The following GSN variants were observed in gnomAD, a reference collection of about 807,000 sequenced individuals.
GSN encodes actin-depolymerizing factor.
GSN carries 56 observed loss-of-function variants against 85.7 expected under a neutral mutation model. The observed-to-expected ratio is 0.65, with a 90% CI of 0.53 to 0.82. The LOEUF (loss-of-function observed/expected upper bound fraction) is 0.82. Among genes scored for constraint, GSN ranks in the 40% least tolerant of loss-of-function variants. GSN has a pLI of 0.00. For synonymous variants in GSN, 373 were observed against 399.1 expected (o/e 0.93, Z 0.78); for missense variants, 857 against 979.8 (o/e 0.87, Z 1.67).
At chr9:121,319,688 A>C (rs971657353) in intron 10 of GSN, among the ~76,000 whole-genome samples, 2 of 152,126 alleles carry the variant, frequency 1.3e-5, no homozygotes, top group African/African-American at 4.8e-5. Context: ...TTAGAAGAAA[A>C]AAATCAGTTA....
chr9:121,247,438 C>T (rs987337702), intron 5 of GSN, among the ~76,000 whole-genome samples: 1 of 152,216 alleles, frequency 6.6e-6, no homozygotes, highest in Non-Finnish European at 1.5e-5. Flanking sequence ...TGACTTCCAC[C>T]TTCCATTCTA....
chr9:121,228,424 A>ATT (rs869071386), intron 4 of GSN, among the ~76,000 whole-genome samples: 30 of 48,114 alleles, frequency 6.2e-4, no homozygotes, highest in Non-Finnish European at 7.9e-4. Flanking sequence ...ATATATATAT[A>ATT]TTTTTTTTTT....
intron 2 of GSN, chr9:121,210,222 C>T (rs1378647925): frequency 6.6e-6 from 1 of 152,194 alleles, no homozygotes; most frequent in Admixed American, 6.5e-5. Flanking sequence ...TGTTCCACAC[C>T]ATCTTCACTT....
intron 5 of GSN, among the ~76,000 whole-genome samples, chr9:121,233,421 C>T (rs747561674): frequency 5.9e-5 from 9 of 151,998 alleles, no homozygotes; most frequent in Non-Finnish European, 8.8e-5. Context: ...GCTGAGATCA[C>T]GCCACTGCAC....
intron 1 of GSN, among the ~76,000 whole-genome samples, chr9:121,272,252 C>A (rs1348219986): frequency 6.6e-6 from 1 of 152,190 alleles, no homozygotes; most frequent in Non-Finnish European, 1.5e-5. Context: ...CTGCCTGGGA[C>A]CACATCAGCA....
rs2059542313 is a variant in GSN at position 121,299,445 on chromosome 9, C to T, written c.-9-2518C>T. 1 of 984,798 alleles carries T rather than the reference C, an allele frequency of 1.0e-6. No homozygotes were observed. Among genetic ancestry groups the T allele is most frequent in the Non-Finnish European group, 1.2e-6 (1 of 829,446 alleles). 61.0% of individuals were successfully genotyped at this position (984,798 alleles called of 1,614,324 possible). A position where few individuals can be genotyped will look rare whatever the true frequency, so the allele number is the denominator to read the frequency against. On this transcript the variant is annotated intron_variant, in intron 2 of 17. Transcript: ENST00000432226. This position sits in a 1 kb window ranked among gnomAD's most constrained non-coding sequence, Gnocchi z 4.2. ...AAATGGGTTGGCCGTTGTACCCTCT[C>T]TGAAAAGGATGTGCTGATGCCTCGG...
rs201325199 is a variant in GSN, at chr9:121,318,787, G to A, written c.1098G>A (p.Val366=). Residue 366 remains valine, a synonymous_variant, in exon 10 of 18, where the codon GTG becomes GTA. Coordinates refer to ENST00000432226, the MANE Select transcript of GSN (RefSeq NM_198252.3). The surrounding 1 kb of genome is among the most constrained non-coding windows in gnomAD (Gnocchi z 4.3). ...ACCTTTCCAGCCATATCGCCAACGT[G>A]GAGCGGGTGCCCTTCGACGCCGCCA... ...LSYLSSHIAN[V]ERVPFDAATL... 4.3e-4 allele frequency: 690 copies of A among 1,614,160 alleles called. 1 individual carries two copies. Among genetic ancestry groups the A allele is most frequent in the Non-Finnish European group, 5.6e-4 (662 of 1,180,008 alleles).
intron 2 of GSN, among the ~76,000 whole-genome samples, chr9:121,291,955 G>A (rs1381914015): frequency 3.9e-5 from 6 of 152,066 alleles, no homozygotes; most frequent in Admixed American, 3.9e-4. Flanking sequence ...GGAGTGCAGT[G>A]GCACAATCAT....
At chr9:121,232,143 G>A (rs559314650) in intron 5 of GSN, among the ~76,000 whole-genome samples, 1 of 152,326 alleles carries the variant, frequency 6.6e-6, no homozygotes, top group Non-Finnish European at 1.5e-5. Context: ...GAGACCAGAA[G>A]ATTTGATAAT....
chr9:121,326,823 G>A (rs566192240), intron 13 of GSN, 141 bp downstream of exon 13: 56 of 841,212 alleles, frequency 6.7e-5, no homozygotes, highest in African/African-American at 3.8e-4. Context: ...TTTTCCTGCC[G>A]TGGCCACAGG....
In GSN at chr9:121,229,620, G is replaced by T. The variant is rs2054347825; in HGVS notation, c.-527-1545G>T. On this transcript the variant is annotated intron_variant, in intron 4 of 24. Transcript: ENST00000373823. Reference sequence around the variant, plus strand: ...AAGTTATACATTTTTGGGCCAAAATGCTATTCAGGTGATTCTGTGTCTTTC... The same window carrying T: ...AAGTTATACATTTTTGGGCCAAAATTCTATTCAGGTGATTCTGTGTCTTTC... 3.3e-5 allele frequency among the ~76,000 whole-genome samples: 5 copies of T among 152,186 alleles called. No homozygotes were observed. In the South Asian group the frequency reaches 1.0e-3, roughly 31 times the overall value.
At chr9:121,274,509 TA>T (rs149710086) in intron 1 of GSN, among the ~76,000 whole-genome samples, 12 of 150,750 alleles carry the variant, frequency 8.0e-5, no homozygotes, top group South Asian at 6.3e-4. Flanking sequence ...TTTTTCTTGT[TA>T]AAAAAAAAAT....
intron 2 of GSN, among the ~76,000 whole-genome samples, chr9:121,295,481 A>G (rs2059124056): frequency 6.6e-6 from 1 of 152,174 alleles, no homozygotes. Context: ...AATCAAGAAC[A>G]ACAGTGTTTG....
rs1197188977 is a variant in GSN at position 121,329,933 on chromosome 9, G to A, written c.1965+618G>A. On this transcript the variant is annotated intron_variant, in intron 16 of 17. Transcript: ENST00000432226. This position sits in a 1 kb window ranked among gnomAD's most constrained non-coding sequence, Gnocchi z 4.6. ...GCTTACGTTCTCACAGGGGTGTCAG[G>A]TCAGTCACCTTTCCTATCAAGGTGG... Among the ~76,000 whole-genome samples the A allele has an allele frequency of 3.3e-5, 5 of 152,208 alleles. No individual in the cohort carries two copies. Among genetic ancestry groups the A allele is most frequent in the Non-Finnish European group, 7.3e-5 (5 of 68,046 alleles).
chr9:121,210,848 CTT>C (rs1214081888), exon 4 of GSN: 1 of 152,208 alleles, frequency 6.6e-6, no homozygotes, highest in Non-Finnish European at 1.5e-5. Flanking sequence ...CTCATTCAGT[CTT>C]TGCAATTATA....
At chr9:121,251,190 T>TTTTTTTTTC (rs2054826989) in intron 6 of GSN, among the ~76,000 whole-genome samples, 1 of 118,156 alleles carries the variant, frequency 8.5e-6, no homozygotes, top group Non-Finnish European at 1.7e-5. Context: ...ATGTGTTCTT[T>TTTTTTTTTC]TTTTTTTTTT....
At chr9:121,310,319 C>T (rs306783) in intron 4 of GSN, 133,640 of 334,032 alleles carry the variant, frequency 0.4, 28,035 homozygotes, top group African/African-American at 0.48. Flanking sequence ...TGGGAAACGC[C>T]GGTTTTGAGG....
intron 5 of GSN, chr9:121,239,927 T>C: frequency 6.2e-6 from 1 of 162,478 alleles, no homozygotes; most frequent in South Asian, 1.6e-4. Context: ...TAGTAGACCA[T>C]GGACTCTTGA....
chr9:121,236,869 CAG>C (rs2054505407), intron 5 of GSN, among the ~76,000 whole-genome samples: 1 of 152,238 alleles, frequency 6.6e-6, no homozygotes, highest in Non-Finnish European at 1.5e-5. Context: ...TGCTTCCTAA[CAG>C]AGATTAAAAT....
Sources: allele counts gnomAD v4.1 joint callset (sites outside exome capture counted in the v4.1 genomes callset), GRCh38; gene constraint gnomAD v4.1.1; non-coding constraint Gnocchi (gnomAD v3.1); transcripts MANE v1.5; gene names NCBI Gene and HGNC (gene_info 2026-07-23, HGNC 2026-07-21).